DNAJC6: variants seen among roughly 807,000 people sequenced by gnomAD.
DNAJC6 encodes the protein DnaJ heat shock protein family (Hsp40) member C6, also known as auxilin.
DNAJC6 carries 34 observed loss-of-function variants against 110.0 expected under a neutral mutation model. The observed-to-expected ratio is 0.31, with a 90% CI of 0.24 to 0.41. The LOEUF is 0.41. Among genes scored for constraint, DNAJC6 ranks in the 10% least tolerant of loss-of-function variants. The pLI is 1.00. For missense variants in DNAJC6, 1,031 were observed against 1,207.8 expected, an observed-to-expected ratio of 0.85 and a Z score of 2.17; for synonymous variants, 406 against 437.2, an observed-to-expected ratio of 0.93 and a Z score of 0.89.
rs1645541586 is a variant in DNAJC6, at chr1:65,356,164, T to G, written c.194-8471T>G. Among the ~76,000 whole-genome samples, 3 of 152,282 alleles carry G rather than the reference T, an allele frequency of 2.0e-5. No homozygotes were observed. In the South Asian group the frequency reaches 6.2e-4, roughly 32 times the overall value. On this transcript the variant is annotated intron_variant, in intron 1 of 18. Coordinates refer to ENST00000371069, the MANE Select transcript of DNAJC6 (RefSeq NM_001256864.2). ...CATAGGGGTTATTGATTTGTTATTTTGCTAAATGTTATCTTTTTTTCTCTG... is the reference window on the plus strand; with the variant it reads ...CATAGGGGTTATTGATTTGTTATTTGGCTAAATGTTATCTTTTTTTCTCTG...
Position 65,373,635 on chromosome 1 carries a change from T to A in DNAJC6, c.544-5767T>A, listed in dbSNP as rs577104304. On this transcript the variant is annotated intron_variant, in intron 4 of 18. Transcript: ENST00000371069. Reference sequence around the variant, plus strand: ...TTGCCCAGTTTTTAATTTGTTTTTTTTTTTTATTGTTGAGTTGTTTGAGCT... The same window carrying A: ...TTGCCCAGTTTTTAATTTGTTTTTTATTTTTATTGTTGAGTTGTTTGAGCT... 2.2e-4 allele frequency among the ~76,000 whole-genome samples: 34 copies of A among 152,076 alleles called. No homozygotes were observed. The South Asian group carries it at 7.1e-3, about 32-fold the overall frequency.
At chr1:65,266,178 TCTC>T (rs146060010) in intron 1 of DNAJC6, among the ~76,000 whole-genome samples, 2,257 of 152,242 alleles carry the variant, frequency 0.015, 51 homozygotes, top group African/African-American at 0.053. Context: ...GGCTTGGCCT[TCTC>T]CAGTCCTCGG....
chr1:65,280,904 A>G (rs1209291315), intron 1 of DNAJC6, among the ~76,000 whole-genome samples: 4 of 152,188 alleles, frequency 2.6e-5, no homozygotes, highest in Non-Finnish European at 2.9e-5. Context: ...AGGGAAAATT[A>G]CATGGCTAAA....
At chr1:65,327,896 G>A (rs1645254661) in intron 1 of DNAJC6, among the ~76,000 whole-genome samples, 2 of 151,892 alleles carry the variant, frequency 1.3e-5, no homozygotes, top group South Asian at 4.1e-4. Context: ...TTTTTTAATG[G>A]TAGAGATGGT....
At chr1:65,412,331 T>C (rs1351468599) in intron 18 of DNAJC6, among the ~76,000 whole-genome samples, 1 of 152,206 alleles carries the variant, frequency 6.6e-6, no homozygotes, top group Non-Finnish European at 1.5e-5. Context: ...CATCTTGCTG[T>C]CACATAGACT....
In DNAJC6 at chr1:65,363,834, C is replaced by T. The variant is rs74080591; in HGVS notation, c.194-801C>T. Among the ~76,000 whole-genome samples, 1,019 of 152,128 alleles carry T rather than the reference C, an allele frequency of 6.7e-3. 12 individuals are homozygous for T. Among genetic ancestry groups the T allele is most frequent in the African/African-American group, 0.023 (965 of 41,490 alleles). ...GAGCTAAGCACAAGGGGCCAAAAAG[C>T]GCAATTTTAAGAAGCTATAAAGGGA... On this transcript the variant is annotated intron_variant, in intron 1 of 18. Transcript: ENST00000371069.
chr1:65,364,550 G>A, intron 1 of DNAJC6, 85 bp from the exon 2 acceptor site: 1 of 1,423,652 alleles, frequency 7.0e-7, no homozygotes, highest in South Asian at 1.3e-5. Flanking sequence ...GTCTGTGTAT[G>A]TTTTAAGAAT....
intron 1 of DNAJC6, among the ~76,000 whole-genome samples, chr1:65,316,989 T>C (rs1449429068): frequency 1.3e-5 from 2 of 152,028 alleles, no homozygotes; most frequent in Non-Finnish European, 2.9e-5. Context: ...GAACTGACAA[T>C]AGATGACTTT....
At chr1:65,275,408 C>T (rs1381228332) in intron 1 of DNAJC6, among the ~76,000 whole-genome samples, 1 of 152,164 alleles carries the variant, frequency 6.6e-6, no homozygotes, top group Admixed American at 6.5e-5. Flanking sequence ...ATCCCATTGT[C>T]TTCTGGTTTT....
chr1:65,370,373 T>C (rs1310181757), intron 4 of DNAJC6, among the ~76,000 whole-genome samples: 1 of 152,204 alleles, frequency 6.6e-6, no homozygotes, highest in East Asian at 1.9e-4. Context: ...TTTCTCATCA[T>C]CCCCAACATA....
chr1:65,336,444 T>C (rs948390775), intron 1 of DNAJC6, among the ~76,000 whole-genome samples: 1 of 152,156 alleles, frequency 6.6e-6, no homozygotes, highest in Non-Finnish European at 1.5e-5. Flanking sequence ...ATGATATATG[T>C]AGTACCTAAA....
At chr1:65,278,450 G>A (rs1392077546) in intron 1 of DNAJC6, among the ~76,000 whole-genome samples, 1 of 152,170 alleles carries the variant, frequency 6.6e-6, no homozygotes, top group African/African-American at 2.4e-5. Flanking sequence ...TTACTTTTCA[G>A]TCTTTTCAGA....
chr1:65,392,376 A>G (rs934003898), intron 11 of DNAJC6, 55 bp from the exon 12 acceptor site: 1 of 1,476,168 alleles, frequency 6.8e-7, no homozygotes, highest in Non-Finnish European at 9.1e-7. Context: ...TATAACAAAA[A>G]CCAACAATGC....
chr1:65,304,967 C>G (rs1323859801), upstream of DNAJC6, among the ~76,000 whole-genome samples: 1 of 152,186 alleles, frequency 6.6e-6, no homozygotes. Context: ...TTGATGTTCC[C>G]CAGTTGAAGT....
At chr1:65,345,504 G>A (rs1363794885) in intron 1 of DNAJC6, 2 of 210,914 alleles carry the variant, frequency 9.5e-6, no homozygotes, top group Non-Finnish European at 1.6e-5. Context: ...CAAGGAAGGA[G>A]AGTCAGTGTT....
At chr1:65,334,421 C>T (rs1645316589) in intron 1 of DNAJC6, among the ~76,000 whole-genome samples, 1 of 152,176 alleles carries the variant, frequency 6.6e-6, no homozygotes. Context: ...AAAGTGAGAG[C>T]ACGGGCTGTT....
upstream of DNAJC6, among the ~76,000 whole-genome samples, chr1:65,307,008 CTCTCTCTCTCTATATA>C (rs1259178514): frequency 2.4e-3 from 222 of 93,194 alleles, no homozygotes; most frequent in African/African-American, 9.7e-3. Flanking sequence ...CTCTCTCTCT[CTCTCTCTCTCTATATA>C]TATATATATA....
chr1:65,341,525 A>T (rs1426373349), intron 1 of DNAJC6, among the ~76,000 whole-genome samples: 2 of 152,188 alleles, frequency 1.3e-5, no homozygotes, highest in Non-Finnish European at 2.9e-5. Context: ...TAGTCTTCTC[A>T]AAGAAAAAAG....
chr1:65,312,704 A>G (rs1645112143), intron 1 of DNAJC6, among the ~76,000 whole-genome samples: 2 of 152,250 alleles, frequency 1.3e-5, no homozygotes, highest in South Asian at 2.1e-4. Flanking sequence ...TCATTTCCCC[A>G]GAATTTTATT....
Sources: allele counts gnomAD v4.1 joint callset (sites outside exome capture counted in the v4.1 genomes callset), GRCh38; gene constraint gnomAD v4.1.1; transcripts MANE v1.5; gene names NCBI Gene and HGNC (gene_info 2026-07-23, HGNC 2026-07-21).